Variants in UGT2A2 observed in about 807,000 individuals in gnomAD.
UGT2A2 encodes the protein UDP-glucuronosyltransferase 2A2.
A neutral mutation model predicts 50.7 loss-of-function variants in UGT2A2; 60 were observed. The ratio of observed to expected loss-of-function variants is 1.18; its 90% CI spans 0.96 to 1.47. UGT2A2 has a LOEUF of 1.47. UGT2A2 is among the 40% of genes most tolerant of loss of function. UGT2A2 has a pLI of 0.00. For missense variants in UGT2A2, 762 were observed against 634.0 expected, an observed-to-expected ratio of 1.20 and a Z score of -2.17; for synonymous variants, 242 against 214.6, an observed-to-expected ratio of 1.13 and a Z score of -1.11.
Position 69,588,636 on chromosome 4 carries a change from T to C in UGT2A2, c.*736A>G, listed in dbSNP as rs1323014760. On this transcript the variant is annotated 3_prime_UTR_variant, in exon 6 of 6. Transcript: ENST00000604629. ...AAATATGATCTGTTCACCTTCAACA[T>C]ATAACATAGAACTTTCTCCTTGAAA... 1 of 152,030 alleles carries C rather than the reference T, an allele frequency of 6.6e-6. No individual in the cohort carries two copies. The highest frequency in any genetic ancestry group is 1.5e-5 in the Non-Finnish European group (1 of 67,978). 9.4% of individuals were successfully genotyped at this position (152,030 alleles called of 1,614,324 possible).
At chr4:69,605,598 C>T (rs1719559756) in intron 1 of UGT2A2, among the ~76,000 whole-genome samples, 1 of 136,302 alleles carries the variant, frequency 7.3e-6, no homozygotes, top group South Asian at 2.4e-4. Flanking sequence ...GAAATAGAGA[C>T]ACAAAAAACC....
intron 2 of UGT2A2, among the ~76,000 whole-genome samples, chr4:69,597,040 A>C (rs1718971805): frequency 6.6e-6 from 1 of 152,206 alleles, no homozygotes; most frequent in African/African-American, 2.4e-5. Context: ...TTTGGAGGGA[A>C]GCCCAACAAA....
intron 1 of UGT2A2, among the ~76,000 whole-genome samples, chr4:69,600,801 T>C (rs1054385438): frequency 7.5e-6 from 1 of 132,474 alleles, no homozygotes; most frequent in African/African-American, 2.8e-5. Flanking sequence ...GCAAAGGTGC[T>C]ATACACTTAA....
intron 1 of UGT2A2, among the ~76,000 whole-genome samples, chr4:69,607,180 T>A (rs1719680113): frequency 6.7e-6 from 1 of 149,788 alleles, no homozygotes; most frequent in Non-Finnish European, 1.5e-5. Context: ...ACTGCAAGGC[T>A]ACAGTAACCA....
chr4:69,613,717 CAA>C (rs1304257077), intron 1 of UGT2A2, among the ~76,000 whole-genome samples: 3 of 151,930 alleles, frequency 2.0e-5, no homozygotes, highest in Non-Finnish European at 4.4e-5. Context: ...AGTACCAGGA[CAA>C]AATCCATATG....
At chr4:69,592,158 C>T (rs1416552776) in intron 5 of UGT2A2, among the ~76,000 whole-genome samples, 1 of 152,082 alleles carries the variant, frequency 6.6e-6, no homozygotes, top group Non-Finnish European at 1.5e-5. Flanking sequence ...AGGTTACTTC[C>T]GTTAAGAAAA....
Position 69,639,475 on chromosome 4 carries a change from T to C in UGT2A2, c.166A>G (p.Asn56Asp). 6.2e-7 allele frequency: 1 copy of C among 1,613,174 alleles called. No homozygotes were observed. Among genetic ancestry groups the C allele is most frequent in the South Asian group, 1.1e-5 (1 of 90,876 alleles). ...GAAGCCAGTACAGTCACATTGTGAT[T>C]TCTTTGAATCAACTCTTCTAGAATA... ...KIILEELIQR[N>D]HNVTVLASSA... Residue 56 changes from asparagine (N) to aspartate (D), a missense_variant, in exon 1 of 6, where the codon AAT (asparagine) becomes GAT (aspartate). Asn to Asp is a conservative substitution (Grantham distance 23). Transcript: ENST00000604629.
rs763975351 is a variant in UGT2A2, at chr4:69,588,435, T to G, written c.*937A>C. 4.0e-5 allele frequency: 6 copies of G among 151,768 alleles called. No homozygotes were observed. The highest frequency in any genetic ancestry group is 8.8e-5 in the Non-Finnish European group (6 of 67,974). The allele number at this position is 151,768 out of a possible 1,614,324, so 9.4% of individuals were successfully genotyped here. On this transcript the variant is annotated 3_prime_UTR_variant, in exon 6 of 6. Coordinates refer to ENST00000604629, the MANE Select transcript of UGT2A2 (RefSeq NM_001105677.2). ...AATGATATCAAATTCCAAGTAAGCA[T>G]TTTTTATTTTTTGGCATAAAATTAA...
Position 69,603,288 on chromosome 4 carries a change from T to A in UGT2A2, c.743-3894A>T, listed in dbSNP as rs147762820. 1.5e-4 allele frequency among the ~76,000 whole-genome samples: 20 copies of A among 135,366 alleles called. 1 individual carries two copies. In the East Asian group the frequency reaches 3.9e-3, roughly 27 times the overall value. 88.8% of individuals were successfully genotyped at this position (135,366 alleles called of 152,430 possible). ...CAAGAACTAATATAAAGGAAAGCAG[T>A]TAAGATAGTGAAAAAAAACAAAACC... On this transcript the variant is annotated intron_variant, in intron 1 of 5. Transcript: ENST00000604629.
intron 1 of UGT2A2, among the ~76,000 whole-genome samples, chr4:69,606,870 G>T (rs1454214712): frequency 7.4e-6 from 1 of 135,888 alleles, no homozygotes; most frequent in Non-Finnish European, 1.6e-5. Flanking sequence ...TACAAGGGAC[G>T]TAAGGACCTC....
chr4:69,600,783 G>C (rs903222671), intron 1 of UGT2A2, among the ~76,000 whole-genome samples: 7 of 150,054 alleles, frequency 4.7e-5, no homozygotes, highest in African/African-American at 9.8e-5. Context: ...GCAAGAGAGA[G>C]AGTGAGGGCA....
chr4:69,618,698 AT>A (rs1720559052), intron 1 of UGT2A2, among the ~76,000 whole-genome samples: 1 of 152,018 alleles, frequency 6.6e-6, no homozygotes, highest in South Asian at 2.1e-4. Context: ...TAAAAGTGTA[AT>A]TCTAAGTTCA....
At position 69,589,022 on chromosome 4, in the gene UGT2A2, T is replaced by G. The variant is rs1718421395; in HGVS notation, c.*350A>C. 5.5e-6 allele frequency: 1 copy of G among 182,272 alleles called. No individual in the cohort carries two copies. The highest frequency in any genetic ancestry group is 1.4e-4 in the East Asian group (1 of 7,230). 11.3% of individuals were successfully genotyped at this position (182,272 alleles called of 1,614,324 possible). Reference sequence around the variant, plus strand: ...TCTACACTGTATGCATTACCAGGATTCAGCATATTGTTAATCATTAATTAA... The same window carrying G: ...TCTACACTGTATGCATTACCAGGATGCAGCATATTGTTAATCATTAATTAA... On this transcript the variant is annotated 3_prime_UTR_variant, in exon 6 of 6. Transcript: ENST00000604629.
rs1721922686 is a variant in UGT2A2, at chr4:69,639,395, C to T, written c.246G>A (p.Val82=). ...SNPDSPVNFE[V]IPVSYKKSNI... is the part of the protein sequence containing the mutation. Reference sequence around the variant, plus strand: ...TGCTCTTCTTGTAGGAAACAGGTATCACTTCAAAATTCACAGGAGAATCGG... The same window carrying T: ...TGCTCTTCTTGTAGGAAACAGGTATTACTTCAAAATTCACAGGAGAATCGG... The change falls in exon 1 of 6, where the codon GTG becomes GTA. Residue 82 remains valine (V), a synonymous_variant. Transcript: ENST00000604629. 2.5e-6 allele frequency: 4 copies of T among 1,613,504 alleles called. No homozygotes were observed. The highest frequency in any genetic ancestry group is 3.4e-6 in the Non-Finnish European group (4 of 1,179,672).
intron 1 of UGT2A2, among the ~76,000 whole-genome samples, chr4:69,608,294 ATCATTC>A (rs1378722405): frequency 6.6e-6 from 1 of 150,456 alleles, no homozygotes; most frequent in Non-Finnish European, 1.5e-5. Context: ...GCTGGAAACC[ATCATTC>A]TCAGCAAACT....
chr4:69,638,629 AT>A (rs1360044196), intron 1 of UGT2A2, among the ~76,000 whole-genome samples: 10 of 152,144 alleles, frequency 6.6e-5, no homozygotes, highest in African/African-American at 2.4e-4. Flanking sequence ...TTTCATTTAT[AT>A]TTTGAAATTG....
At chr4:69,603,936 T>G (rs1230097640) in intron 1 of UGT2A2, among the ~76,000 whole-genome samples, 10 of 134,940 alleles carry the variant, frequency 7.4e-5, no homozygotes, top group Admixed American at 1.5e-4. Flanking sequence ...CAAATCTACG[T>G]CTGATTGGTG....
At chr4:69,613,305 G>A (rs1243642578) in intron 1 of UGT2A2, among the ~76,000 whole-genome samples, 1 of 151,832 alleles carries the variant, frequency 6.6e-6, no homozygotes, top group Non-Finnish European at 1.5e-5. Flanking sequence ...AAACCTGAAC[G>A]AGGCATTATC....
chr4:69,627,463 AGCAGGCAGGCAG>A (rs1002480493), intron 1 of UGT2A2, among the ~76,000 whole-genome samples: 5 of 63,832 alleles, frequency 7.8e-5, no homozygotes, highest in Non-Finnish European at 1.3e-4. Context: ...CAGACAGGCA[AGCAGGCAGGCAG>A]GCAGGCAGGC....
Sources: allele counts gnomAD v4.1 joint callset (sites outside exome capture counted in the v4.1 genomes callset), GRCh38; gene constraint gnomAD v4.1.1; transcripts MANE v1.5; gene names NCBI Gene and HGNC (gene_info 2026-07-23, HGNC 2026-07-21).